Variants in CDH4 observed in about 807,000 individuals in gnomAD.
CDH4 encodes the protein cadherin 4.
A neutral mutation model predicts 86.0 loss-of-function variants in CDH4; 33 were observed. The observed-to-expected ratio is 0.38, with a 90% CI of 0.29 to 0.51. The LOEUF (loss-of-function observed/expected upper bound fraction) is 0.51, where lower values mean the gene tolerates loss of function less well. CDH4 is among the 20% of genes least tolerant of loss of function. The pLI is 0.86. For missense variants in CDH4, 1,114 were observed against 1,307.4 expected, an observed-to-expected ratio of 0.85 and a Z score of 2.28; for synonymous variants, 555 against 549.4, an observed-to-expected ratio of 1.01 and a Z score of -0.14.
At chr20:61,551,783 A>C (rs887448529) in intron 2 of CDH4, among the ~76,000 whole-genome samples, 1 of 152,268 alleles carries the variant, frequency 6.6e-6, no homozygotes, top group Non-Finnish European at 1.5e-5. Context: ...AAGGATAGAC[A>C]TATAGACCAA....
Position 61,608,044 on chromosome 20 carries a change from C to A in CDH4, c.170-135519C>A, listed in dbSNP as rs117850436. On this transcript the variant is annotated intron_variant, in intron 2 of 15. Coordinates refer to ENST00000614565, the MANE Select transcript of CDH4 (RefSeq NM_001794.5). ...CACACTCCACCAGTTTACAACTGAGCCTTTCCCCTCTCTGCATCTCCCCCT... is the reference window on the plus strand; with the variant it reads ...CACACTCCACCAGTTTACAACTGAGACTTTCCCCTCTCTGCATCTCCCCCT... 5.8e-3 allele frequency among the ~76,000 whole-genome samples: 878 copies of A among 152,260 alleles called. 5 individuals carry two copies. The highest frequency in any genetic ancestry group is 9.0e-3 in the Non-Finnish European group (610 of 68,028).
At chr20:61,401,966 A>G (rs776244445) in intron 2 of CDH4, among the ~76,000 whole-genome samples, 52 of 152,244 alleles carry the variant, frequency 3.4e-4, no homozygotes, top group Admixed American at 2.6e-4. Context: ...TTCTATAACC[A>G]TCTTGTTCAC....
Position 61,933,082 on chromosome 20 carries a change from C to T in CDH4, c.2337C>T (p.Asn779=). 9 of 1,613,274 alleles carry T rather than the reference C, an allele frequency of 5.6e-6. No individual in the cohort carries two copies. Among genetic ancestry groups the T allele is most frequent in the Non-Finnish European group, 6.8e-6 (8 of 1,180,024 alleles). ...LIDPEDDVRD[N]ILKYDEEGGG... ...ACCCCGAGGACGACGTCCGCGACAA[C>T]ATCCTCAAGTATGACGAGGAAGGCG... is the stretch of plus-strand genomic sequence containing the variant. Residue 779 remains asparagine (N), a synonymous_variant, in exon 14 of 16, where the codon AAC becomes AAT. Transcript: ENST00000614565.
At chr20:61,452,923 CCTT>C (rs1471937230) in intron 2 of CDH4, among the ~76,000 whole-genome samples, 10 of 152,200 alleles carry the variant, frequency 6.6e-5, no homozygotes, top group African/African-American at 2.4e-4. Context: ...AACCAGTCTG[CCTT>C]CTTATAATAA....
intron 2 of CDH4, among the ~76,000 whole-genome samples, chr20:61,507,541 A>G (rs1281823218): frequency 6.6e-6 from 1 of 152,176 alleles, no homozygotes; most frequent in Admixed American, 6.5e-5. Context: ...ACTGTGTCTC[A>G]GGCACCAGGT....
chr20:61,857,668 A>ACTT (rs1036267156), intron 6 of CDH4, among the ~76,000 whole-genome samples: 14 of 152,382 alleles, frequency 9.2e-5, no homozygotes, highest in African/African-American at 2.2e-4. Flanking sequence ...GGAAGAAATG[A>ACTT]CTTCTCAAAA....
chr20:61,367,598 T>G (rs373625116), intron 2 of CDH4, among the ~76,000 whole-genome samples: 2 of 151,684 alleles, frequency 1.3e-5, no homozygotes, highest in Non-Finnish European at 2.9e-5. Flanking sequence ...ATGACAGTTA[T>G]AGATCATAAC....
chr20:61,622,972 G>A (rs1382897154), intron 2 of CDH4, among the ~76,000 whole-genome samples: 2 of 152,200 alleles, frequency 1.3e-5, no homozygotes, highest in African/African-American at 4.8e-5. Flanking sequence ...GCCCTCACTC[G>A]GAAGCTGCTT....
intron 2 of CDH4, among the ~76,000 whole-genome samples, chr20:61,259,656 C>T (rs1341343341): frequency 1.3e-5 from 2 of 152,130 alleles, no homozygotes; most frequent in African/African-American, 4.8e-5. Context: ...AGTTGCCTGT[C>T]CAGTATTGAT....
intron 2 of CDH4, among the ~76,000 whole-genome samples, chr20:61,602,440 C>T (rs1433232867): frequency 6.6e-6 from 1 of 152,072 alleles, no homozygotes; most frequent in Non-Finnish European, 1.5e-5. Flanking sequence ...GGATGGACAT[C>T]TTGGTGTAAC....
rs569189463 is a variant in CDH4, at chr20:61,928,960, A to T, written c.2005+537A>T. ...CCAAAGTCATTATTTCCATTTGTATATCCTGATTACCAGTGGAAATTTTTT... is the reference window on the plus strand; with the variant it reads ...CCAAAGTCATTATTTCCATTTGTATTTCCTGATTACCAGTGGAAATTTTTT... On this transcript the variant is annotated intron_variant, in intron 12 of 15. Transcript: ENST00000614565. Among the ~76,000 whole-genome samples, 60 of 152,262 alleles carry T rather than the reference A, an allele frequency of 3.9e-4. No individual in the cohort carries two copies. In the South Asian group the frequency reaches 0.011, roughly 28 times the overall value.
intron 2 of CDH4, among the ~76,000 whole-genome samples, chr20:61,281,129 G>A (rs1038909642): frequency 5.3e-5 from 8 of 152,200 alleles, no homozygotes; most frequent in Non-Finnish European, 8.8e-5. Flanking sequence ...CAGCCCAGAC[G>A]GAGAGGACCG....
In CDH4 at chr20:61,595,536, G is replaced by A. The variant is rs146764380; in HGVS notation, c.170-148027G>A. 1.5e-3 allele frequency among the ~76,000 whole-genome samples: 227 copies of A among 151,922 alleles called. 2 individuals are homozygous for A. Among genetic ancestry groups the A allele is most frequent in the African/African-American group, 5.1e-3 (211 of 41,442 alleles). On this transcript the variant is annotated intron_variant, in intron 2 of 15. Coordinates refer to ENST00000614565, the MANE Select transcript of CDH4 (RefSeq NM_001794.5). ...CACCCCGTGGGGCCCTCCCTTTTGT[G>A]TCCCCTGGAACAAACAATAAGAACT...
In CDH4 at chr20:61,778,362, C is replaced by T. The variant is rs967815948; in HGVS notation, c.576+5180C>T. ...TTTCATTCTGATAAAATATGTTAAA[C>T]GAAAAAACGAGCGGGAGAGGAGGAG... On this transcript the variant is annotated intron_variant, in intron 4 of 15. Transcript: ENST00000614565. Among the ~76,000 whole-genome samples, 14 of 151,970 alleles carry T rather than the reference C, an allele frequency of 9.2e-5. 1 individual carries two copies. Among genetic ancestry groups the T allele is most frequent in the African/African-American group, 2.4e-5 (1 of 41,374 alleles).
At chr20:61,844,571 C>A in intron 4 of CDH4, 97 bp from the exon 5 acceptor site, 1 of 1,201,090 alleles carries the variant, frequency 8.3e-7, no homozygotes, top group Non-Finnish European at 1.2e-6. Flanking sequence ...AATGGTCGAG[C>A]TCGAGGAACT....
intron 9 of CDH4, among the ~76,000 whole-genome samples, chr20:61,913,989 TG>T (rs111807490): frequency 0.022 from 3,423 of 152,230 alleles, 114 homozygotes; most frequent in African/African-American, 0.076. Context: ...GTGGTGAGAA[TG>T]GGGTTTCCCG....
chr20:61,307,147 G>A (rs924871803), intron 2 of CDH4, among the ~76,000 whole-genome samples: 3 of 152,204 alleles, frequency 2.0e-5, no homozygotes, highest in Admixed American at 2.0e-4. Context: ...CATGGGAGCT[G>A]TATGTGAATA....
rs943754230 is a variant in CDH4, at chr20:61,570,429, G to A, written c.170-173134G>A. The stretch of plus-strand genomic sequence containing the variant: ...CAGACGTACACTTTGGGCTTCAGCA[G>A]CCCTGGTGCTGCCTTGAGCTTGACC... On this transcript the variant is annotated intron_variant, in intron 2 of 15. Transcript: ENST00000614565. The A allele has an allele frequency of 3.0e-5, 15 of 506,970 alleles. No individual in the cohort carries two copies. In the Admixed American group the frequency reaches 4.5e-4, roughly 15 times the overall value. 31.4% of individuals were successfully genotyped at this position (506,970 alleles called of 1,614,324 possible). A position where few individuals can be genotyped will look rare whatever the true frequency, so the allele number is the denominator to read the frequency against.
intron 11 of CDH4, among the ~76,000 whole-genome samples, chr20:61,926,612 C>A (rs2055047319): frequency 1.3e-5 from 2 of 152,200 alleles, no homozygotes; most frequent in South Asian, 2.1e-4. Context: ...GTGGCTCACA[C>A]CTGTAATCCC....
Sources: allele counts gnomAD v4.1 joint callset (sites outside exome capture counted in the v4.1 genomes callset), GRCh38; gene constraint gnomAD v4.1.1; transcripts MANE v1.5; gene names NCBI Gene and HGNC (gene_info 2026-07-23, HGNC 2026-07-21).